CFAP77: variants seen among roughly 807,000 people sequenced by gnomAD.
The protein encoded by CFAP77 is cilia- and flagella-associated protein 77.
Under a neutral mutation model 31.1 loss-of-function variants are expected in CFAP77, and 25 were observed. That is an observed-to-expected ratio of 0.80 (90% confidence interval 0.59 to 1.12). The LOEUF (loss-of-function observed/expected upper bound fraction) is 1.12, where lower values mean the gene tolerates loss of function less well. CFAP77 is among the 50% of genes most tolerant of loss of function. CFAP77 has a pLI of 0.00. For synonymous variants in CFAP77, 151 were observed against 159.9 expected, an observed-to-expected ratio of 0.94 and a Z score of 0.42; for missense variants, 377 against 397.3, an observed-to-expected ratio of 0.95 and a Z score of 0.44.
intron 3 of CFAP77, among the ~76,000 whole-genome samples, chr9:132,530,136 C>CTTTTTTTTTTTTTTT (rs750962954): frequency 1.7e-3 from 161 of 93,256 alleles, no homozygotes; most frequent in African/African-American, 2.7e-3. Context: ...TCTTTCTTTT[C>CTTTTTTTTTTTTTTT]TTTTTTTTTT....
chr9:132,532,040 T>C (rs1759687883), intron 3 of CFAP77, among the ~76,000 whole-genome samples: 1 of 152,064 alleles, frequency 6.6e-6, no homozygotes, highest in South Asian at 2.1e-4. Context: ...AGCTATAAAT[T>C]AGGCTGCTCA....
intron 3 of CFAP77, among the ~76,000 whole-genome samples, chr9:132,513,903 G>A (rs781742344): frequency 2.8e-5 from 4 of 144,912 alleles, no homozygotes; most frequent in Non-Finnish European, 6.2e-5. Context: ...CATTGACCAC[G>A]GGTGACTGTG....
chr9:132,471,268 A>C (rs1369863981), intron 1 of CFAP77, among the ~76,000 whole-genome samples: 1 of 152,210 alleles, frequency 6.6e-6, no homozygotes, highest in African/African-American at 2.4e-5. Context: ...AATGAGAGGC[A>C]GAAGTTGAGA....
chr9:132,561,250 T>A (rs574098763), intron 5 of CFAP77, among the ~76,000 whole-genome samples: 2 of 151,980 alleles, frequency 1.3e-5, no homozygotes, highest in South Asian at 4.2e-4. Context: ...TAAAGCAAAA[T>A]CTCTCTCCCA....
chr9:132,482,177 T>C (rs201967016), intron 1 of CFAP77: 2 of 586,328 alleles, frequency 3.4e-6, no homozygotes, highest in Non-Finnish European at 5.9e-6. Context: ...TTTTCTCTCT[T>C]TCTTTCTTTC....
In CFAP77 at chr9:132,434,264, G is replaced by A. The variant is rs570345698; in HGVS notation, c.195+23798G>A. ...GTTTTATGTGGCCCCGCTCTTTGCCGCCTTTGTATCCTGTGTGTATTTCTG... is the reference window on the plus strand; with the variant it reads ...GTTTTATGTGGCCCCGCTCTTTGCCACCTTTGTATCCTGTGTGTATTTCTG... On this transcript the variant is annotated intron_variant, in intron 1 of 5. Coordinates refer to ENST00000393216, the MANE Select transcript of CFAP77 (RefSeq NM_001282957.2). Among the ~76,000 whole-genome samples the A allele has an allele frequency of 1.2e-3, 180 of 152,208 alleles. 2 individuals are homozygous for A. Among genetic ancestry groups the A allele is most frequent in the Non-Finnish European group, 1.2e-3 (79 of 68,016 alleles).
chr9:132,483,332 G>C (rs971621967), intron 1 of CFAP77, among the ~76,000 whole-genome samples: 1 of 151,200 alleles, frequency 6.6e-6, no homozygotes, highest in Non-Finnish European at 1.5e-5. Context: ...CTTCCAAAGA[G>C]GCCTGACTTG....
In CFAP77 at chr9:132,471,437, T is replaced by C. The variant is rs139249383; in HGVS notation, c.196-27258T>C. On this transcript the variant is annotated intron_variant, in intron 1 of 5. Coordinates refer to ENST00000393216, the MANE Select transcript of CFAP77 (RefSeq NM_001282957.2). ...GGTCCATCCACTTCTTCCTATTCCT[T>C]TAAGGACCCCCCCCCACCGTTGCCC... 5.8e-3 allele frequency among the ~76,000 whole-genome samples: 886 copies of C among 152,092 alleles called. 18 individuals carry two copies. Among genetic ancestry groups the C allele is most frequent in the African/African-American group, 0.02 (841 of 41,512 alleles).
At chr9:132,548,286 G>C (rs10901190) in intron 5 of CFAP77, among the ~76,000 whole-genome samples, 33,199 of 128,760 alleles carry the variant, frequency 0.26, 4,600 homozygotes, top group East Asian at 0.32. Flanking sequence ...GGGGGGTGGG[G>C]GGTGAAGCTG....
At chr9:132,441,030 A>T (rs921526221) in intron 1 of CFAP77, among the ~76,000 whole-genome samples, 1 of 151,748 alleles carries the variant, frequency 6.6e-6, no homozygotes, top group African/African-American at 2.4e-5. Context: ...TTTCACCATC[A>T]CCCTTCTCTC....
At chr9:132,444,141 C>G (rs112284231) in intron 1 of CFAP77, among the ~76,000 whole-genome samples, 1 of 152,252 alleles carries the variant, frequency 6.6e-6, no homozygotes, top group African/African-American at 2.4e-5. Flanking sequence ...TTCCACTTCC[C>G]GTTTCCTACA....
chr9:132,545,184 C>T lies in CFAP77; in HGVS notation c.732+2137C>T, dbSNP rs546702545. On this transcript the variant is annotated intron_variant, in intron 5 of 5. Coordinates refer to ENST00000393216, the MANE Select transcript of CFAP77 (RefSeq NM_001282957.2). This position sits in a 1 kb window ranked among gnomAD's most constrained non-coding sequence, Gnocchi z 4.6. ...ACCATGGGTCTGCCAGTCTTGAGAC[C>T]GTTGTTCTGAAATATGATTATGAAC... is the stretch of plus-strand genomic sequence containing the variant. Among the ~76,000 whole-genome samples the T allele has an allele frequency of 6.6e-5, 10 of 152,306 alleles. No homozygotes were observed. The highest frequency in any genetic ancestry group is 2.1e-4 in the South Asian group (1 of 4,830).
chr9:132,439,766 G>A (rs1395177497), intron 1 of CFAP77, among the ~76,000 whole-genome samples: 2 of 150,724 alleles, frequency 1.3e-5, no homozygotes, highest in Non-Finnish European at 2.9e-5. Context: ...GGAGAATGGC[G>A]TGAACCCGGG....
In CFAP77 at chr9:132,517,010, A is replaced by ACGCAGCT. The variant is rs1332011735; in HGVS notation, c.524+17413_524+17419dup. Among the ~76,000 whole-genome samples the ACGCAGCT allele has an allele frequency of 1.4e-4, 21 of 152,338 alleles. No homozygotes were observed. In the East Asian group the frequency reaches 2.7e-3, roughly 20 times the overall value. On this transcript the variant is annotated intron_variant, in intron 3 of 5. Coordinates refer to ENST00000393216, the MANE Select transcript of CFAP77 (RefSeq NM_001282957.2). This position sits in a 1 kb window ranked among gnomAD's most constrained non-coding sequence, Gnocchi z 4.7. ...AAGGGAGACACCCCAGCCCTGCAGC[A>ACGCAGCT]CGCAGCTCGGGGCTGTGTGAGAACA...
chr9:132,470,233 C>T (rs959344009), intron 1 of CFAP77, among the ~76,000 whole-genome samples: 3 of 152,182 alleles, frequency 2.0e-5, no homozygotes, highest in African/African-American at 7.2e-5. Flanking sequence ...CACTTATGCG[C>T]CAAGTCCACG....
At chr9:132,433,323 A>G (rs1850445454) in intron 1 of CFAP77, among the ~76,000 whole-genome samples, 1 of 152,056 alleles carries the variant, frequency 6.6e-6, no homozygotes, top group African/African-American at 2.4e-5. Context: ...TGCCAGCCGT[A>G]CTCGTGTGTG....
rs911190725 is a variant in CFAP77 at position 132,539,793 on chromosome 9, A to G, written c.630+2087A>G. ...AACATTTTAAGAGCAACCCACGACT[A>G]GTTTATTCGTTAATGGCTCAAGCAA... On this transcript the variant is annotated intron_variant, in intron 4 of 5. Transcript: ENST00000393216. This position sits in a 1 kb window ranked among gnomAD's most constrained non-coding sequence, Gnocchi z 4.3. Among the ~76,000 whole-genome samples, 2 of 152,164 alleles carry G rather than the reference A, an allele frequency of 1.3e-5. No homozygotes were observed. The highest frequency in any genetic ancestry group is 4.8e-5 in the African/African-American group (2 of 41,414).
intron 1 of CFAP77, among the ~76,000 whole-genome samples, chr9:132,426,197 T>G (rs1209505126): frequency 6.6e-6 from 1 of 152,222 alleles, no homozygotes; most frequent in African/African-American, 2.4e-5. Flanking sequence ...GGAGAAAGGA[T>G]TTGACAAGTT....
At position 132,521,778 on chromosome 9, in the gene CFAP77, T is replaced by TTTTTTTTTTGTTTTG. The variant is rs533275755; in HGVS notation, c.525-15817_525-15816insTTTGTTTTGTTTTTT. ...ATAGACTTGCTTTTTTTTTTTTTTT[T>TTTTTTTTTTGTTTTG]TTTTTTGAGATGAAGTCTCACTCTG... On this transcript the variant is annotated intron_variant, in intron 3 of 5. Coordinates refer to ENST00000393216, the MANE Select transcript of CFAP77 (RefSeq NM_001282957.2). Among the ~76,000 whole-genome samples, 10 of 106,146 alleles carry TTTTTTTTTTGTTTTG rather than the reference T, an allele frequency of 9.4e-5. No homozygotes were observed. In the East Asian group the frequency reaches 2.6e-3, roughly 27 times the overall value. The allele number at this position is 106,146 out of a possible 152,430, so 69.6% of individuals were successfully genotyped here.
Sources: allele counts gnomAD v4.1 joint callset (sites outside exome capture counted in the v4.1 genomes callset), GRCh38; gene constraint gnomAD v4.1.1; non-coding constraint Gnocchi (gnomAD v3.1); transcripts MANE v1.5; gene names NCBI Gene and HGNC (gene_info 2026-07-23, HGNC 2026-07-21).